Variants in RBM39 observed in about 807,000 individuals in gnomAD.
The protein encoded by RBM39 is RNA binding motif protein 39.
Under a neutral mutation model 79.6 loss-of-function variants are expected in RBM39, and 12 were observed. That is an observed-to-expected ratio of 0.15 (90% CI 0.10 to 0.24). The LOEUF (loss-of-function observed/expected upper bound fraction) is 0.24, where lower values mean the gene tolerates loss of function less well. RBM39 is among the 10% of genes least tolerant of loss of function. The pLI is 1.00. For synonymous variants in RBM39, 185 were observed against 208.4 expected (o/e 0.89, Z 0.97); for missense variants, 243 against 653.4 (o/e 0.37, Z 6.85).
At chr20:35,704,778 G>T in intron 15 of RBM39, 32 bp from the exon 16 acceptor site, 2 of 1,590,358 alleles carry the variant, frequency 1.3e-6, no homozygotes, top group Non-Finnish European at 1.7e-6. Flanking sequence ...AGGTAAAGAT[G>T]TTGCTGTATG....
At chr20:35,724,101 G>A (rs1409580237) in intron 8 of RBM39, among the ~76,000 whole-genome samples, 2 of 152,022 alleles carry the variant, frequency 1.3e-5, no homozygotes, top group Non-Finnish European at 2.9e-5. Context: ...GAAGGCTGGG[G>A]CAGGTGGATC....
At chr20:35,723,421 T>C (rs780150665) in intron 8 of RBM39, among the ~76,000 whole-genome samples, 3 of 152,138 alleles carry the variant, frequency 2.0e-5, no homozygotes, top group African/African-American at 7.2e-5. Context: ...TCTTCCAACA[T>C]AGGAAATAAT....
At chr20:35,709,194 AAAAT>A (rs1301945128) in intron 13 of RBM39, 26 bp downstream of exon 13, 44 of 1,560,788 alleles carry the variant, frequency 2.8e-5, no homozygotes, top group Non-Finnish European at 3.4e-5. Context: ...TTCAAAGACA[AAAAT>A]AAAAAATATG....
intron 15 of RBM39, 146 bp from the exon 16 acceptor site, chr20:35,704,892 C>T (rs557289663): frequency 3.0e-6 from 2 of 655,800 alleles, no homozygotes; most frequent in African/African-American, 3.7e-5. Flanking sequence ...AATAGGTATA[C>T]TAGAATTTTA....
chr20:35,724,570 C>T lies in RBM39; in HGVS notation c.687G>A (p.Gln229=). 6.2e-7 allele frequency: 1 copy of T among 1,611,734 alleles called. No individual in the cohort carries two copies. The highest frequency in any genetic ancestry group is 8.5e-7 in the Non-Finnish European group (1 of 1,179,422). The change falls in exon 8 of 17, where the codon CAG becomes CAA. Residue 229 remains glutamine (Q), a splice_region_variant and synonymous_variant. Transcript: ENST00000253363. ...LGVPIIVQAS[Q]AEKNRAAAMA... is the part of the protein sequence containing the mutation. ...AACTCTTAACCAACAAAAAAATTAC[C>T]TGTGATGCCTGTACTATGATTGGCA...
At position 35,703,386 on chromosome 20, in the gene RBM39, CCTTTT is replaced by C. The variant is rs2035383828; in HGVS notation, c.*1090_*1094del. On this transcript the variant is annotated 3_prime_UTR_variant, in exon 17 of 17. Coordinates refer to ENST00000253363, the MANE Select transcript of RBM39 (RefSeq NM_184234.3). ...CCCAGGTTTTAAGGCCAGGCTGTTTCCTTTTCTTTTTGGTAAACCCCTCAGTTTTG... is the reference window on the plus strand; with the variant it reads ...CCCAGGTTTTAAGGCCAGGCTGTTTCCTTTTTGGTAAACCCCTCAGTTTTG... The C allele has an allele frequency of 6.6e-6, 1 of 152,120 alleles. No individual in the cohort carries two copies. 9.4% of individuals were successfully genotyped at this position (152,120 alleles called of 1,614,324 possible). A position where few individuals can be genotyped will look rare whatever the true frequency, so the allele number is the denominator to read the frequency against.
chr20:35,707,064 AAAC>A, intron 14 of RBM39, 53 bp downstream of exon 14: 2 of 1,006,296 alleles, frequency 2.0e-6, no homozygotes, highest in Non-Finnish European at 2.9e-6. Context: ...GAAATATATA[AAAC>A]AACTCTATTG....
intron 9 of RBM39, among the ~76,000 whole-genome samples, chr20:35,718,520 C>CAA (rs1350040189): frequency 6.6e-6 from 1 of 151,496 alleles, no homozygotes; most frequent in South Asian, 2.1e-4. Flanking sequence ...TACTAAAACA[C>CAA]AAAAAAGTAG....
At chr20:35,721,076 G>T (rs1285883317) in intron 9 of RBM39, among the ~76,000 whole-genome samples, 2 of 151,966 alleles carry the variant, frequency 1.3e-5, no homozygotes, top group Non-Finnish European at 2.9e-5. Flanking sequence ...GAGTAGCTGG[G>T]AACACAGAGA....
chr20:35,735,188 T>C, intron 3 of RBM39: 1 of 1,347,604 alleles, frequency 7.4e-7, no homozygotes, highest in Non-Finnish European at 9.6e-7. Context: ...ATGTTATCTT[T>C]TATTGAGTAA....
chr20:35,730,531 TTC>T (rs2039252190), intron 4 of RBM39, among the ~76,000 whole-genome samples: 2 of 152,152 alleles, frequency 1.3e-5, no homozygotes. Context: ...TGTATTACAG[TTC>T]TCAAGTAATT....
rs763284523 is a variant in RBM39, at chr20:35,714,399, AG to A, written c.892-11del. On this transcript the variant is annotated splice_polypyrimidine_tract_variant and intron_variant, in intron 10 of 16. Coordinates refer to ENST00000253363, the MANE Select transcript of RBM39 (RefSeq NM_184234.3). ...ATTCTGAGTCAGAAAACTACATGAT[AG>A]GGGAGGCAAGGACAGGAGACAGTGC... The A allele has an allele frequency of 3.1e-6, 5 of 1,613,176 alleles. No homozygotes were observed. The East Asian group carries it at 6.7e-5, about 22-fold the overall frequency.
At chr20:35,707,362 T>C (rs1020232856) in intron 13 of RBM39, 161 bp from the exon 14 acceptor site, 2 of 427,004 alleles carry the variant, frequency 4.7e-6, no homozygotes, top group African/African-American at 4.1e-5. Flanking sequence ...ATGTTATCAG[T>C]AGCTTTTAGG....
intron 6 of RBM39, 65 bp from the exon 7 acceptor site, chr20:35,725,220 T>G: frequency 8.9e-7 from 1 of 1,123,666 alleles, no homozygotes; most frequent in Non-Finnish European, 1.3e-6. Context: ...TTATCTTTTT[T>G]ATTTCTTCAT....
At chr20:35,734,761 TC>T in intron 3 of RBM39, 1 of 1,263,804 alleles carries the variant, frequency 7.9e-7, no homozygotes, top group Non-Finnish European at 1.0e-6. Context: ...GAAAATACAA[TC>T]TTTTGCATAA....
chr20:35,736,660 A>G (rs768091672), intron 3 of RBM39: 21 of 457,318 alleles, frequency 4.6e-5, no homozygotes, highest in Non-Finnish European at 8.1e-5. Context: ...ACAGATTTTT[A>G]TGTTTGTTTG....
intron 1 of RBM39, among the ~76,000 whole-genome samples, chr20:35,741,195 G>A (rs993500658): frequency 6.6e-6 from 1 of 151,332 alleles, no homozygotes; most frequent in African/African-American, 2.4e-5. Flanking sequence ...CACCACGCCC[G>A]GCTAATTTTT....
intron 14 of RBM39, among the ~76,000 whole-genome samples, chr20:35,706,067 C>T (rs949058441): frequency 6.6e-6 from 1 of 151,620 alleles, no homozygotes; most frequent in Non-Finnish European, 1.5e-5. Context: ...AGCCAGGCAT[C>T]ATGGCACACG....
intron 9 of RBM39, 143 bp from the exon 10 acceptor site, chr20:35,716,948 CTTTT>C (rs1167579205): frequency 1.7e-6 from 1 of 581,714 alleles, no homozygotes; most frequent in Non-Finnish European, 3.0e-6. Context: ...ACCAAGAAGT[CTTTT>C]TTAAGTCTAG....
Sources: allele counts gnomAD v4.1 joint callset (sites outside exome capture counted in the v4.1 genomes callset), GRCh38; gene constraint gnomAD v4.1.1; transcripts MANE v1.5; gene names NCBI Gene and HGNC (gene_info 2026-07-23, HGNC 2026-07-21).